Variants in BCL7A observed in about 807,000 individuals in gnomAD.
BCL7A encodes BAF chromatin remodeling complex subunit BCL7A.
BCL7A carries 11 observed loss-of-function variants against 28.4 expected under a neutral mutation model. The ratio of observed to expected loss-of-function variants is 0.39; its 90% CI spans 0.24 to 0.64. BCL7A has a LOEUF of 0.64. Ranked by LOEUF, BCL7A falls within the 30% of genes least tolerant of loss-of-function variation. The probability of loss-of-function intolerance (pLI) is 0.50; values close to 1 mark genes in which losing one functional copy is unlikely to be tolerated. For synonymous variants in BCL7A, 123 were observed against 103.3 expected (o/e 1.19, Z -1.15); for missense variants, 222 against 274.8 (o/e 0.81, Z 1.36).
In BCL7A at chr12:122,054,911, G is replaced by C. The variant is rs989797589; in HGVS notation, c.546G>C (p.Thr182=). 1 of 1,614,054 alleles carries C rather than the reference G, an allele frequency of 6.2e-7. No individual in the cohort carries two copies. Among genetic ancestry groups the C allele is most frequent in the Non-Finnish European group, 8.5e-7 (1 of 1,180,026 alleles). ...PSGDSGLAAE[T]SAISQDLEGV... is the part of the protein sequence containing the mutation. ...GAGACTCGGGTCTGGCCGCAGAGAC[G>C]TCTGCAATCTCTCAGGTACCTCGCT... The change falls in exon 5 of 6, where the codon ACG becomes ACC. Residue 182 remains threonine, a synonymous_variant. Coordinates refer to ENST00000261822, the MANE Select transcript of BCL7A (RefSeq NM_001024808.3).
chr12:122,052,690 G>GTT (rs1332524557), intron 4 of BCL7A, among the ~76,000 whole-genome samples: 1 of 151,310 alleles, frequency 6.6e-6, no homozygotes, highest in African/African-American at 2.4e-5. Context: ...TTTTTGTTTT[G>GTT]TTTTGTTTTG....
At chr12:122,027,756 G>A (rs1446387963) in intron 1 of BCL7A, among the ~76,000 whole-genome samples, 3 of 151,946 alleles carry the variant, frequency 2.0e-5, no homozygotes, top group South Asian at 4.2e-4. Context: ...AGAATCGCTT[G>A]AACCCGGGAG....
chr12:122,042,645 A>T (rs1409750522), intron 3 of BCL7A, among the ~76,000 whole-genome samples: 1 of 135,856 alleles, frequency 7.4e-6, no homozygotes. Context: ...GCAAGACTCC[A>T]TCTCAAAAAA....
intron 1 of BCL7A, among the ~76,000 whole-genome samples, chr12:122,025,728 C>T (rs1480481831): frequency 2.0e-5 from 3 of 149,992 alleles, no homozygotes; most frequent in African/African-American, 4.9e-5. Context: ...GGCAGGTCAC[C>T]TGAAGTCAGG....
intron 1 of BCL7A, among the ~76,000 whole-genome samples, chr12:122,022,784 G>T (rs1883497092): frequency 6.6e-6 from 1 of 151,630 alleles, no homozygotes; most frequent in Admixed American, 6.6e-5. Flanking sequence ...TAAATTTAGC[G>T]CTTTGGGCTG....
At chr12:122,033,404 C>T (rs1883782691) in intron 2 of BCL7A, among the ~76,000 whole-genome samples, 1 of 152,178 alleles carries the variant, frequency 6.6e-6, no homozygotes, top group Non-Finnish European at 1.5e-5. Context: ...ACCTCCACCT[C>T]CCGGGTTCAA....
At chr12:122,043,707 A>C (rs1884006056) in intron 3 of BCL7A, among the ~76,000 whole-genome samples, 179 bp from the exon 4 acceptor site, 1 of 150,400 alleles carries the variant, frequency 6.6e-6, no homozygotes, top group Non-Finnish European at 1.5e-5. Context: ...ACGGTCCTCC[A>C]GCCTGGTTGA....
chr12:122,052,322 C>G (rs1440366015), intron 4 of BCL7A, among the ~76,000 whole-genome samples: 1 of 152,188 alleles, frequency 6.6e-6, no homozygotes, highest in Non-Finnish European at 1.5e-5. Context: ...GTGTGAGCAA[C>G]TACACCTGGG....
intron 4 of BCL7A, among the ~76,000 whole-genome samples, chr12:122,049,303 T>C (rs544675069): frequency 2.7e-5 from 4 of 146,008 alleles, no homozygotes; most frequent in Non-Finnish European, 6.0e-5. Flanking sequence ...GAGCTCAAAA[T>C]AGGGAGTGTT....
intron 3 of BCL7A, 118 bp from the exon 4 acceptor site, chr12:122,043,768 C>A (rs1306075434): frequency 2.9e-5 from 32 of 1,120,320 alleles, no homozygotes; most frequent in Non-Finnish European, 3.7e-5. Context: ...AGACCCCTCC[C>A]CGGGAGAGCT....
At position 122,053,521 on chromosome 12, in the gene BCL7A, C is replaced by G. The variant is rs367743864; in HGVS notation, c.440-1284C>G. On this transcript the variant is annotated intron_variant, in intron 4 of 5. Transcript: ENST00000261822. ...CCCCAGCAGGGAAGTCTTGGTCGCACAGGCATTCTCTAGGATTCGTTTCGT... is the reference window on the plus strand; with the variant it reads ...CCCCAGCAGGGAAGTCTTGGTCGCAGAGGCATTCTCTAGGATTCGTTTCGT... Among the ~76,000 whole-genome samples, 9 of 152,316 alleles carry G rather than the reference C, an allele frequency of 5.9e-5. No homozygotes were observed. The East Asian group carries it at 1.7e-3, about 29-fold the overall frequency.
chr12:122,035,871 T>C (rs1190574153), intron 3 of BCL7A, among the ~76,000 whole-genome samples: 1 of 152,144 alleles, frequency 6.6e-6, no homozygotes, highest in Admixed American at 6.6e-5. Context: ...GATGGAGTTT[T>C]GCTCTGTTGA....
intron 4 of BCL7A, among the ~76,000 whole-genome samples, chr12:122,049,838 C>T (rs751115952): frequency 1.3e-5 from 2 of 152,184 alleles, no homozygotes; most frequent in South Asian, 2.1e-4. Context: ...GAAGTGGAAC[C>T]GTTTAGTCAG....
intron 1 of BCL7A, among the ~76,000 whole-genome samples, chr12:122,023,639 G>A (rs1883531638): frequency 6.6e-6 from 1 of 152,218 alleles, no homozygotes; most frequent in African/African-American, 2.4e-5. Context: ...ACCGTGAGAA[G>A]GGGAGGCTTT....
At chr12:122,058,056 G>T (rs61952895) in intron 5 of BCL7A, among the ~76,000 whole-genome samples, 1 of 151,952 alleles carries the variant, frequency 6.6e-6, no homozygotes, top group African/African-American at 2.4e-5. Context: ...AATCATCCGG[G>T]CATGGTGGCA....
chr12:122,030,898 T>A, intron 2 of BCL7A, 117 bp downstream of exon 2: 2 of 1,058,402 alleles, frequency 1.9e-6, no homozygotes, highest in Non-Finnish European at 2.9e-6. Flanking sequence ...CAAGAGCCCC[T>A]GGGAGTAGAA....
chr12:122,027,840 A>C (rs1883662030), intron 1 of BCL7A, among the ~76,000 whole-genome samples: 1 of 152,066 alleles, frequency 6.6e-6, no homozygotes, highest in African/African-American at 2.4e-5. Flanking sequence ...CCGTCTCAAA[A>C]AAATAAAAAA....
At chr12:122,037,322 C>T (rs899304974) in intron 3 of BCL7A, among the ~76,000 whole-genome samples, 6 of 152,208 alleles carry the variant, frequency 3.9e-5, no homozygotes, top group Non-Finnish European at 7.3e-5. Flanking sequence ...AGCTTTGGTA[C>T]AGCCAGGTAG....
At position 122,027,273 on chromosome 12, in the gene BCL7A, GTTGTTTGT is replaced by G. The variant is rs757056812; in HGVS notation, c.93-3411_93-3404del. 2.7e-4 allele frequency among the ~76,000 whole-genome samples: 41 copies of G among 152,326 alleles called. No homozygotes were observed. In the East Asian group the frequency reaches 6.9e-3, roughly 26 times the overall value. On this transcript the variant is annotated intron_variant, in intron 1 of 5. Coordinates refer to ENST00000261822, the MANE Select transcript of BCL7A (RefSeq NM_001024808.3). ...TGGATTCTTATGCAAAGCCTGTTTT[GTTGTTTGT>G]TTGTTTGTTTGTTTGAAGTTTGGCA...
Sources: allele counts gnomAD v4.1 joint callset (sites outside exome capture counted in the v4.1 genomes callset), GRCh38; gene constraint gnomAD v4.1.1; transcripts MANE v1.5; gene names NCBI Gene and HGNC (gene_info 2026-07-23, HGNC 2026-07-21).